MARCHF1: variants seen among roughly 807,000 people sequenced by gnomAD.
The protein encoded by MARCHF1 is E3 ubiquitin-protein ligase MARCHF1.
In MARCHF1, 40 loss-of-function variants were observed where a neutral mutation model predicts 54.2. The ratio of observed to expected loss-of-function variants is 0.74; its 90% CI spans 0.57 to 0.96. The LOEUF (loss-of-function observed/expected upper bound fraction) is 0.96. MARCHF1 is among the 40% of genes least tolerant of loss of function. The probability of loss-of-function intolerance (pLI) is 0.00; values close to 1 mark genes in which losing one functional copy is unlikely to be tolerated. For missense variants in MARCHF1, 586 were observed against 656.5 expected (o/e 0.89, Z 1.17); for synonymous variants, 236 against 236.3 (o/e 1.00, Z 0.01).
chr4:164,217,115 C>T (rs1731956407), intron 1 of MARCHF1, among the ~76,000 whole-genome samples: 1 of 152,164 alleles, frequency 6.6e-6, no homozygotes, highest in Non-Finnish European at 1.5e-5. Context: ...AATGTTTCAG[C>T]TGCTTGCCAA....
chr4:163,822,553 C>T lies in MARCHF1; in HGVS notation c.111+31468G>A, dbSNP rs543223898. On this transcript the variant is annotated intron_variant, in intron 4 of 9. Transcript: ENST00000514618. ...ACTATTTTAATGTTTGATCATTCAA[C>T]ATTTGATTCTGTACTGCACGTTAAA... Among the ~76,000 whole-genome samples the T allele has an allele frequency of 2.0e-3, 301 of 151,898 alleles. 1 individual carries two copies. The highest frequency in any genetic ancestry group is 6.9e-3 in the African/African-American group (286 of 41,484).
chr4:163,716,530 G>A (rs1745262926), intron 4 of MARCHF1, among the ~76,000 whole-genome samples: 1 of 152,198 alleles, frequency 6.6e-6, no homozygotes, highest in Admixed American at 6.5e-5. Flanking sequence ...CAGGTATAGA[G>A]AATTAATAAT....
At chr4:163,530,043 T>C (rs923454273) in intron 9 of MARCHF1, 2 of 152,018 alleles carry the variant, frequency 1.3e-5, no homozygotes, top group African/African-American at 2.4e-5. Context: ...GATTTGACTT[T>C]GGATTTTTAT....
intron 1 of MARCHF1, among the ~76,000 whole-genome samples, chr4:164,190,983 T>A (rs1255914064): frequency 6.6e-6 from 1 of 152,170 alleles, no homozygotes; most frequent in African/African-American, 2.4e-5. Context: ...GTTTGTTTCA[T>A]TGCAAACACT....
chr4:164,211,414 C>T (rs917269967), intron 1 of MARCHF1, among the ~76,000 whole-genome samples: 1 of 144,214 alleles, frequency 6.9e-6, no homozygotes, highest in Non-Finnish European at 1.5e-5. Flanking sequence ...ATATATATAC[C>T]AATTGCATAA....
At chr4:164,138,753 T>C (rs1756457496) in intron 1 of MARCHF1, among the ~76,000 whole-genome samples, 1 of 152,186 alleles carries the variant, frequency 6.6e-6, no homozygotes, top group African/African-American at 2.4e-5. Context: ...TCCAGAGTGA[T>C]ATTAAGTGAT....
At chr4:163,703,817 T>C (rs1014238919) in intron 4 of MARCHF1, among the ~76,000 whole-genome samples, 2 of 152,126 alleles carry the variant, frequency 1.3e-5, no homozygotes, top group Admixed American at 6.6e-5. Context: ...CTGATATTAA[T>C]AGTTCTGTTT....
At chr4:163,824,711 A>G (rs537454719) in intron 4 of MARCHF1, among the ~76,000 whole-genome samples, 3 of 85,082 alleles carry the variant, frequency 3.5e-5, no homozygotes, top group East Asian at 3.4e-4. Flanking sequence ...GCAACCTACA[A>G]AATGGGAGAA....
intron 4 of MARCHF1, among the ~76,000 whole-genome samples, chr4:163,746,242 T>C (rs918152588): frequency 1.3e-5 from 2 of 152,180 alleles, no homozygotes; most frequent in Non-Finnish European, 1.5e-5. Context: ...CTAGAATAGG[T>C]GTAGTTGAAC....
intron 1 of MARCHF1, among the ~76,000 whole-genome samples, chr4:164,256,559 TAAA>T (rs1165014783): frequency 6.6e-6 from 1 of 151,720 alleles, no homozygotes; most frequent in Non-Finnish European, 1.5e-5. Flanking sequence ...AGAATTTTTT[TAAA>T]AAAAGAAGGG....
At chr4:164,249,441 A>G (rs1212447541) in intron 1 of MARCHF1, among the ~76,000 whole-genome samples, 1 of 152,128 alleles carries the variant, frequency 6.6e-6, no homozygotes, top group Non-Finnish European at 1.5e-5. Context: ...GTGAAATCAA[A>G]GCAGCTTAAT....
chr4:163,851,169 T>C (rs1420165314), intron 4 of MARCHF1, among the ~76,000 whole-genome samples: 1 of 152,136 alleles, frequency 6.6e-6, no homozygotes, highest in Non-Finnish European at 1.5e-5. Flanking sequence ...TAGTTCTCAA[T>C]AGGCACTTCA....
chr4:163,773,416 T>A (rs1450881287), intron 4 of MARCHF1, among the ~76,000 whole-genome samples: 2 of 152,216 alleles, frequency 1.3e-5, no homozygotes, highest in Admixed American at 1.3e-4. Flanking sequence ...TGCAGGATTT[T>A]AAATAGATGG....
At chr4:163,803,262 C>T (rs1358079088) in intron 4 of MARCHF1, among the ~76,000 whole-genome samples, 3 of 152,132 alleles carry the variant, frequency 2.0e-5, no homozygotes, top group Non-Finnish European at 4.4e-5. Context: ...CAACCTCTGC[C>T]TCCCGGGTTC....
chr4:163,968,003 C>A (rs1036668665), intron 3 of MARCHF1, among the ~76,000 whole-genome samples: 2 of 152,106 alleles, frequency 1.3e-5, no homozygotes, highest in African/African-American at 2.4e-5. Context: ...CTTCTAAAAT[C>A]ATTACTGTGG....
chr4:163,632,564 G>T (rs1273636111), intron 5 of MARCHF1, among the ~76,000 whole-genome samples: 1 of 152,218 alleles, frequency 6.6e-6, no homozygotes, highest in Non-Finnish European at 1.5e-5. Flanking sequence ...CGCACCACAA[G>T]ATTATATCCC....
chr4:164,045,610 T>G lies in MARCHF1; in HGVS notation c.-247-56901A>C, dbSNP rs149408651. 7.4e-4 allele frequency among the ~76,000 whole-genome samples: 110 copies of G among 149,358 alleles called. 3 individuals are homozygous for G. The East Asian group carries it at 0.017, about 23-fold the overall frequency. ...CTTCAGATTTAGTTTAGCTTAGGTT[T>G]TTGTTTGTTTGTTTGTTTGTTTGTT... On this transcript the variant is annotated intron_variant, in intron 2 of 9. Transcript: ENST00000514618.
At chr4:164,141,317 T>C (rs1479276770) in intron 1 of MARCHF1, among the ~76,000 whole-genome samples, 1 of 152,194 alleles carries the variant, frequency 6.6e-6, no homozygotes, top group Non-Finnish European at 1.5e-5. Flanking sequence ...TTTAATGTGA[T>C]CAACCAATGT....
chr4:163,979,961 A>G (rs1342330403), intron 3 of MARCHF1, among the ~76,000 whole-genome samples: 1 of 152,094 alleles, frequency 6.6e-6, no homozygotes, highest in Non-Finnish European at 1.5e-5. Flanking sequence ...ATTTTCTCCC[A>G]TTTTGTAGGT....
Sources: gnomAD v4.1 joint callset for allele counts (sites outside exome capture counted in the v4.1 genomes callset) on GRCh38, gnomAD v4.1.1 for gene constraint, MANE v1.5 for transcripts, NCBI Gene and HGNC (gene_info 2026-07-23, HGNC 2026-07-21) for gene names.